DCHS1: variants seen among roughly 807,000 people sequenced by gnomAD.
The protein encoded by DCHS1 is dachsous cadherin-related 1.
Under a neutral mutation model 213.9 loss-of-function variants are expected in DCHS1, and 78 were observed. The observed-to-expected ratio is 0.36, with a 90% CI of 0.30 to 0.44. The LOEUF (loss-of-function observed/expected upper bound fraction) is 0.44, where lower values mean the gene tolerates loss of function less well. Among genes scored for constraint, DCHS1 ranks in the 20% least tolerant of loss-of-function variants. The probability of loss-of-function intolerance (pLI) is 1.00; values close to 1 mark genes in which losing one functional copy is unlikely to be tolerated. For synonymous variants in DCHS1, 1,828 were observed against 1,873.7 expected, an observed-to-expected ratio of 0.98 and a Z score of 0.63; for missense variants, 3,946 against 4,395.9, an observed-to-expected ratio of 0.90 and a Z score of 2.89.
At position 6,627,091 on chromosome 11, in the gene DCHS1, A is replaced by G; in HGVS notation, c.5948T>C (p.Leu1983Pro). The G allele has an allele frequency of 6.2e-7, 1 of 1,613,402 alleles. No individual in the cohort carries two copies. Among genetic ancestry groups the G allele is most frequent in the Non-Finnish European group, 8.5e-7 (1 of 1,179,766 alleles). The change falls in exon 14 of 21, where the codon CTG (leucine) becomes CCG (proline). Residue 1983 changes from leucine to proline, a missense_variant. By Grantham distance (98) the Leu-to-Pro change is moderately conservative. Coordinates refer to ENST00000299441, the MANE Select transcript of DCHS1 (RefSeq NM_003737.4). The surrounding 1 kb of genome is among the most constrained non-coding windows in gnomAD (Gnocchi z 5.4). ...ACGATCTTCAGCTCTCAGTGTGGCCAGAGCCAGGGTTGGGGTACTGAAGCT... is the reference window on the plus strand; with the variant it reads ...ACGATCTTCAGCTCTCAGTGTGGCCGGAGCCAGGGTTGGGGTACTGAAGCT... The part of the protein sequence containing the change: ...GPSFSTPTLA[L>P]ATLRAEDRDA...
Position 6,634,223 on chromosome 11 carries a change from G to T in DCHS1, c.1881C>A (p.Pro627=), listed in dbSNP as rs768889366. ...CGCTGTGGGCATCAATGCGGAATGG[G>T]GGAGATCCGGAGGACCCAAGTCCAG... is the stretch of plus-strand genomic sequence containing the variant. The part of the protein sequence containing the change: ...LGAGLGSSGS[P]PFRIDAHSGD... Residue 627 remains proline, a synonymous_variant, in exon 3 of 21, where the codon CCC becomes CCA. Transcript: ENST00000299441. 6.2e-6 allele frequency: 10 copies of T among 1,613,986 alleles called. No individual in the cohort carries two copies. Among genetic ancestry groups the T allele is most frequent in the Non-Finnish European group, 7.6e-6 (9 of 1,179,868 alleles).
Position 6,627,660 on chromosome 11 carries a change from G to C in DCHS1, c.5379C>G (p.Asp1793Glu). The change falls in exon 14 of 21, where the codon GAC (aspartate) becomes GAG (glutamate). Residue 1793 changes from aspartate to glutamate, a missense_variant. Physicochemically the swap from Asp to Glu is conservative, Grantham distance 45. Around this residue, in one of 3 missense-constraint regions of DCHS1, gnomAD observed 3,384 missense variants for 3,780.1 expected, o/e 0.90. Coordinates refer to ENST00000299441, the MANE Select transcript of DCHS1 (RefSeq NM_003737.4). The surrounding 1 kb of genome is among the most constrained non-coding windows in gnomAD (Gnocchi z 5.4). Reference sequence around the variant, plus strand: ...GGTCTAGGACAAAGGCTCCTGATGGGTCCCCATCTGCAGAGAAGGGCATGC... The same window carrying C: ...GGTCTAGGACAAAGGCTCCTGATGGCTCCCCATCTGCAGAGAAGGGCATGC... ...GQLQYRILDGDPSGAFVLDLA... is the reference protein window; with the variant it reads ...GQLQYRILDGEPSGAFVLDLA... 2 of 1,611,568 alleles carry C rather than the reference G, an allele frequency of 1.2e-6. No individual in the cohort carries two copies. Among genetic ancestry groups the C allele is most frequent in the Non-Finnish European group, 1.7e-6 (2 of 1,178,606 alleles).
At chr11:6,633,328 C>G in intron 5 of DCHS1, 84 bp downstream of exon 5, 1 of 1,388,144 alleles carries the variant, frequency 7.2e-7, no homozygotes, top group Non-Finnish European at 9.8e-7. Context: ...CCCTGTGATA[C>G]TCTAAGGTAT....
chr11:6,624,947 T>A (rs2134614823), intron 19 of DCHS1, 79 bp from the exon 20 acceptor site: 1 of 1,580,700 alleles, frequency 6.3e-7, no homozygotes, highest in Non-Finnish European at 8.6e-7. Context: ...GGAGCTTGGT[T>A]CCTTGTGCCC....
At position 6,640,465 on chromosome 11, in the gene DCHS1, C is replaced by T; in HGVS notation, c.1149G>A (p.Gln383=). 2.5e-6 allele frequency: 4 copies of T among 1,613,806 alleles called. No homozygotes were observed. Among genetic ancestry groups the T allele is most frequent in the Non-Finnish European group, 3.4e-6 (4 of 1,179,900 alleles). The change falls in exon 2 of 21, where the codon CAG becomes CAA. Residue 383 remains glutamine (Q), a synonymous_variant. Transcript: ENST00000299441. This position sits in a 1 kb window ranked among gnomAD's most constrained non-coding sequence, Gnocchi z 6.5. ...CTGACACAGAGATGCGAGCAACGAG[C>T]TGTCCAGGTGGGGCGGCCTCAGACA... ...PQVSEAAPPG[Q]LVARISVSDP...
intron 1 of DCHS1, among the ~76,000 whole-genome samples, chr11:6,653,185 T>C (rs1173325291): frequency 3.9e-5 from 6 of 152,202 alleles, no homozygotes; most frequent in Non-Finnish European, 7.3e-5. Context: ...ATGCTGTAAG[T>C]GTCAGGCTCA....
chr11:6,655,458 G>A (rs1856301650), intron 1 of DCHS1, 105 bp downstream of exon 1: 2 of 751,546 alleles, frequency 2.7e-6, no homozygotes, highest in South Asian at 6.0e-5. Flanking sequence ...CATTGTCTCC[G>A]GCTCAGAACA....
chr11:6,640,130 A>T lies in DCHS1; in HGVS notation c.1484T>A (p.Val495Glu), dbSNP rs1160991683. 1.9e-6 allele frequency: 3 copies of T among 1,613,512 alleles called. No individual in the cohort carries two copies. Among genetic ancestry groups the T allele is most frequent in the Non-Finnish European group, 2.5e-6 (3 of 1,179,754 alleles). Reference sequence around the variant, plus strand: ...GCCTTGGTCAGGATCCCGAGCAGTCACCCGCACTACAAAGCTGCCAGGCAG... The same window carrying T: ...GCCTTGGTCAGGATCCCGAGCAGTCTCCCGCACTACAAAGCTGCCAGGCAG... ...VALPGSFVVR[V>E]TARDPDQGTN... Residue 495 changes from valine (V) to glutamate (E), a missense_variant, in exon 2 of 21, where the codon GTG becomes GAG. Around this residue, in one of 3 missense-constraint regions of DCHS1, gnomAD observed 3,384 missense variants for 3,780.1 expected, o/e 0.90. Coordinates refer to ENST00000299441, the MANE Select transcript of DCHS1 (RefSeq NM_003737.4). The surrounding 1 kb of genome is among the most constrained non-coding windows in gnomAD (Gnocchi z 6.5).
chr11:6,630,419 G>T lies in DCHS1; in HGVS notation c.4375C>A (p.Arg1459Ser). Residue 1459 changes from arginine to serine, a missense_variant, in exon 10 of 21, where the codon CGC becomes AGC. Arg to Ser is a moderately radical substitution (Grantham distance 110). Coordinates refer to ENST00000299441, the MANE Select transcript of DCHS1 (RefSeq NM_003737.4). ...PEPGAALYTF[R>S]ASDADGPGPN... ...CCGGGGCCGTCGGCGTCCGACGCGC[G>T]GAAAGTGTACAGCGCTGCGCCGGGC... The T allele has an allele frequency of 6.9e-7, 1 of 1,451,582 alleles. No individual in the cohort carries two copies. Among genetic ancestry groups the T allele is most frequent in the Non-Finnish European group, 9.0e-7 (1 of 1,108,284 alleles). The allele number at this position is 1,451,582 out of a possible 1,614,324, so 89.9% of individuals were successfully genotyped here.
intron 9 of DCHS1, 59 bp from the exon 10 acceptor site, chr11:6,630,922 G>A: frequency 6.7e-7 from 1 of 1,494,216 alleles, no homozygotes; most frequent in Non-Finnish European, 8.9e-7. Flanking sequence ...AGGGGATCTG[G>A]GCTGGCTTCC....
chr11:6,630,665 C>G lies in DCHS1; in HGVS notation c.4129G>C (p.Gly1377Arg), dbSNP rs574309156. Residue 1377 changes from glycine (G) to arginine (R), a missense_variant, in exon 10 of 21, where the codon GGC becomes CGC. Around this residue, in one of 3 missense-constraint regions of DCHS1, gnomAD observed 3,384 missense variants for 3,780.1 expected, o/e 0.90. Transcript: ENST00000299441. Reference protein sequence around the residue: ...YTLVGGADPEGTFALDAASGR... With the variant: ...YTLVGGADPERTFALDAASGR... ...GAGGCCGCATCCAGCGCGAAGGTGCCCTCGGGATCGGCACCGCCCACCAGT... is the reference window on the plus strand; with the variant it reads ...GAGGCCGCATCCAGCGCGAAGGTGCGCTCGGGATCGGCACCGCCCACCAGT... 5 of 1,533,760 alleles carry G rather than the reference C, an allele frequency of 3.3e-6. No individual in the cohort carries two copies. In the East Asian group the frequency reaches 1.2e-4, roughly 37 times the overall value.
rs745850825 is a variant in DCHS1, at chr11:6,627,121, C to T, written c.5918G>A (p.Gly1973Asp). 3.8e-5 allele frequency: 62 copies of T among 1,612,828 alleles called. No homozygotes were observed. Among genetic ancestry groups the T allele is most frequent in the Non-Finnish European group, 5.1e-5 (60 of 1,179,562 alleles). ...SPLRLRLPRP[G>D]PSFSTPTLAL... ...CAGGGTTGGGGTACTGAAGCTGGGG[C>T]CTGGGCGGGGCAGACGTAGGCGCAG... The change falls in exon 14 of 21, where the codon GGC (glycine) becomes GAC (aspartate). Residue 1973 changes from glycine (G) to aspartate (D), a missense_variant. Gly to Asp is a moderately conservative substitution (Grantham distance 94). Coordinates refer to ENST00000299441, the MANE Select transcript of DCHS1 (RefSeq NM_003737.4). The surrounding 1 kb of genome is among the most constrained non-coding windows in gnomAD (Gnocchi z 5.4).
At position 6,626,699 on chromosome 11, in the gene DCHS1, G is replaced by C. The variant is rs561150685; in HGVS notation, c.6251-34C>G. On this transcript the variant is annotated intron_variant, in intron 14 of 20. Transcript: ENST00000299441. This position sits in a 1 kb window ranked among gnomAD's most constrained non-coding sequence, Gnocchi z 5.2. ...AGAACGGTATTGTTGGACTGTGAGC[G>C]CGAGACTGGGAGAGTTTGGGGGACA... 1.1e-4 allele frequency: 185 copies of C among 1,612,430 alleles called. 3 individuals are homozygous for C. In the South Asian group the frequency reaches 2.0e-3, roughly 17 times the overall value.
chr11:6,630,216 A>C lies in DCHS1; in HGVS notation c.4578T>G (p.Arg1526=). The change falls in exon 10 of 21, where the codon CGT becomes CGG. Residue 1526 remains arginine, a synonymous_variant. Coordinates refer to ENST00000299441, the MANE Select transcript of DCHS1 (RefSeq NM_003737.4). The part of the protein sequence containing the change: ...TDRPANASRR[R]AARVSARVFV... ...AGACGCGCGCTGAAACGCGCGCTGC[A>C]CGACGGCGGCTGGCGTTGGCGGGCC... 3 of 1,565,998 alleles carry C rather than the reference A, an allele frequency of 1.9e-6. No homozygotes were observed.
chr11:6,635,878 G>C (rs1416768243), intron 2 of DCHS1, among the ~76,000 whole-genome samples: 2 of 152,216 alleles, frequency 1.3e-5, no homozygotes, highest in African/African-American at 4.8e-5. Flanking sequence ...GAGCAAGGCA[G>C]AAGTGAATTT....
At position 6,655,717 on chromosome 11, in the gene DCHS1, G is replaced by C. The variant is rs1856306846; in HGVS notation, c.-275C>G. ...CGATCCCCTCCGGGCAGCCGCCGTC[G>C]GTCCGCGCGCCCTTGGCCGTCGATC... On this transcript the variant is annotated 5_prime_UTR_variant, in exon 1 of 21. Coordinates refer to ENST00000299441, the MANE Select transcript of DCHS1 (RefSeq NM_003737.4). The C allele has an allele frequency of 5.1e-6, 5 of 980,296 alleles. No homozygotes were observed. The highest frequency in any genetic ancestry group is 6.0e-6 in the Non-Finnish European group (5 of 827,990). 60.7% of individuals were successfully genotyped at this position (980,296 alleles called of 1,614,324 possible).
At position 6,630,622 on chromosome 11, in the gene DCHS1, G is replaced by A; in HGVS notation, c.4172C>T (p.Ala1391Val). ...GCCAGCTTCGAAGTCCAGGGGCCGCGCCAGGTACAAGCGCCCTGAGGCCGC... is the reference window on the plus strand; with the variant it reads ...GCCAGCTTCGAAGTCCAGGGGCCGCACCAGGTACAAGCGCCCTGAGGCCGC... ...LDAASGRLYL[A>V]RPLDFEAGPP... The change falls in exon 10 of 21, where the codon GCG becomes GTG. Residue 1391 changes from alanine (A) to valine (V), a missense_variant. By Grantham distance (64) the Ala-to-Val change is moderately conservative. Transcript: ENST00000299441. The A allele has an allele frequency of 6.5e-7, 1 of 1,540,398 alleles. No individual in the cohort carries two copies.
intron 1 of DCHS1, among the ~76,000 whole-genome samples, chr11:6,643,899 C>G (rs1041001857): frequency 6.6e-6 from 1 of 152,204 alleles, no homozygotes. Flanking sequence ...AACTAGCAAT[C>G]CAGAAGCTCT....
rs762082110 is a variant in DCHS1 at position 6,622,735 on chromosome 11, G to T, written c.8941C>A (p.Leu2981Ile). Residue 2981 changes from leucine (L) to isoleucine (I), a missense_variant, in exon 21 of 21, where the codon CTA becomes ATA. Leu to Ile is a conservative substitution (Grantham distance 5). This residue lies in a region of DCHS1 where 554 missense variants were observed against 590.2 expected (regional missense o/e 0.94). Transcript: ENST00000299441. The surrounding 1 kb of genome is among the most constrained non-coding windows in gnomAD (Gnocchi z 5.4). ...AGTTTCTGCAGTGAGTCACTGGCTA[G>T]GGGTGCTGCCTGTGACATTGGGCCA... ...APGPMSQAAP[L>I]ASDSLQKLGR... is the part of the protein sequence containing the mutation. 1 of 1,591,170 alleles carries T rather than the reference G, an allele frequency of 6.3e-7. No homozygotes were observed. Among genetic ancestry groups the T allele is most frequent in the East Asian group, 2.3e-5 (1 of 43,596 alleles).
Sources: gnomAD v4.1 joint callset for allele counts (sites outside exome capture counted in the v4.1 genomes callset) on GRCh38, gnomAD v4.1.1 for gene constraint, gnomAD v4.1.1 regional missense constraint, Gnocchi (gnomAD v3.1) non-coding constraint, MANE v1.5 for transcripts, NCBI Gene and HGNC (gene_info 2026-07-23, HGNC 2026-07-21) for gene names.